Variants in KHDRBS2 observed in about 807,000 individuals in gnomAD.
KHDRBS2 encodes KH RNA binding domain containing, signal transduction associated 2, also known as KH domain-containing, RNA-binding, signal transduction-associated protein 2.
Under a neutral mutation model 44.3 loss-of-function variants are expected in KHDRBS2, and 26 were observed. The observed-to-expected ratio is 0.59, with a 90% CI of 0.43 to 0.81. The LOEUF (loss-of-function observed/expected upper bound fraction) is 0.81, where lower values mean the gene tolerates loss of function less well. Among genes scored for constraint, KHDRBS2 ranks in the 40% least tolerant of loss-of-function variants. KHDRBS2 has a pLI of 0.00. For missense variants in KHDRBS2, 476 were observed against 433.1 expected (o/e 1.10, Z -0.88); for synonymous variants, 194 against 151.1 (o/e 1.28, Z -2.08).
intron 7 of KHDRBS2, among the ~76,000 whole-genome samples, chr6:61,706,550 C>G (rs1582275495): frequency 6.6e-6 from 1 of 151,712 alleles, no homozygotes; most frequent in East Asian, 1.9e-4. Context: ...AGATCATTCT[C>G]TTTTACTACT....
At chr6:61,792,734 T>C (rs1202488780) in intron 6 of KHDRBS2, among the ~76,000 whole-genome samples, 1 of 151,926 alleles carries the variant, frequency 6.6e-6, no homozygotes, top group East Asian at 1.9e-4. Context: ...CTAGGAGTTG[T>C]AAAAATATAC....
the KHDRBS2 span, among the ~76,000 whole-genome samples, chr6:61,671,968 G>A: frequency 3.3e-5 from 5 of 151,768 alleles, no homozygotes; most frequent in African/African-American, 9.7e-5. Flanking sequence ...CTAGCATTAG[G>A]TATATCTCCT....
the KHDRBS2 span, among the ~76,000 whole-genome samples, chr6:61,575,091 A>G: frequency 6.6e-6 from 1 of 152,232 alleles, no homozygotes; most frequent in South Asian, 2.1e-4. Context: ...AGCAAATACA[A>G]CAAAAACAAA....
intron 2 of KHDRBS2, among the ~76,000 whole-genome samples, chr6:62,154,763 C>A (rs1815998070): frequency 6.6e-6 from 1 of 152,068 alleles, no homozygotes; most frequent in Non-Finnish European, 1.5e-5. Flanking sequence ...AAAATACTAC[C>A]ACGTAGCTTT....
At chr6:62,023,453 A>G (rs568246084) in intron 3 of KHDRBS2, among the ~76,000 whole-genome samples, 7 of 151,752 alleles carry the variant, frequency 4.6e-5, no homozygotes, top group African/African-American at 7.2e-5. Context: ...CTCATTTTTC[A>G]TACTAAATTA....
At chr6:62,009,313 AGTTG>A (rs1279802314) in intron 3 of KHDRBS2, among the ~76,000 whole-genome samples, 1 of 152,188 alleles carries the variant, frequency 6.6e-6, no homozygotes, top group Non-Finnish European at 1.5e-5. Context: ...TTAGGGTATC[AGTTG>A]GAAGAAATTT....
At chr6:61,583,007 A>G in the KHDRBS2 span, among the ~76,000 whole-genome samples, 1 of 151,754 alleles carries the variant, frequency 6.6e-6, no homozygotes, top group Non-Finnish European at 1.5e-5. Flanking sequence ...TAAACTTCCT[A>G]TGTTTTTGAT....
At chr6:61,574,159 G>A in the KHDRBS2 span, among the ~76,000 whole-genome samples, 1 of 152,082 alleles carries the variant, frequency 6.6e-6, no homozygotes, top group Non-Finnish European at 1.5e-5. Flanking sequence ...GTTAAAAAAA[G>A]TAAAAGGAAC....
chr6:61,574,363 A>C, the KHDRBS2 span: 79 of 1,527,090 alleles, frequency 5.2e-5, no homozygotes, highest in African/African-American at 8.8e-4. Flanking sequence ...TCTTACTTTC[A>C]ACCACTGCAA....
chr6:61,648,160 T>G, the KHDRBS2 span, among the ~76,000 whole-genome samples: 2 of 152,158 alleles, frequency 1.3e-5, no homozygotes, highest in Admixed American at 1.3e-4. Flanking sequence ...ATAATAATAT[T>G]ATAAGATAAA....
chr6:61,988,524 G>C (rs942141824), intron 3 of KHDRBS2, among the ~76,000 whole-genome samples: 1 of 151,924 alleles, frequency 6.6e-6, no homozygotes, highest in African/African-American at 2.4e-5. Flanking sequence ...GAGGTGCTTG[G>C]AAAACAGTGT....
At chr6:61,602,852 G>A in the KHDRBS2 span, among the ~76,000 whole-genome samples, 2 of 152,018 alleles carry the variant, frequency 1.3e-5, no homozygotes, top group Non-Finnish European at 2.9e-5. Flanking sequence ...CACCTGCCCA[G>A]CTCCCTTATT....
chr6:62,199,320 A>C (rs1386873218), intron 1 of KHDRBS2, among the ~76,000 whole-genome samples: 1 of 152,196 alleles, frequency 6.6e-6, no homozygotes, highest in Admixed American at 6.5e-5. Flanking sequence ...AGATGACATG[A>C]TTGTATATCT....
At chr6:62,068,669 G>C (rs546756337) in intron 2 of KHDRBS2, among the ~76,000 whole-genome samples, 1 of 151,438 alleles carries the variant, frequency 6.6e-6, no homozygotes, top group Non-Finnish European at 1.5e-5. Context: ...AGTTAGTTTT[G>C]GTGCATGGTG....
chr6:61,735,343 TG>T (rs1352925598), intron 6 of KHDRBS2, among the ~76,000 whole-genome samples: 1 of 152,166 alleles, frequency 6.6e-6, no homozygotes, highest in African/African-American at 2.4e-5. Flanking sequence ...TTCTATCTCC[TG>T]AGTGTAGGGA....
At chr6:61,967,420 TAGATAGAC>T (rs1770255168) in intron 4 of KHDRBS2, among the ~76,000 whole-genome samples, 3 of 150,940 alleles carry the variant, frequency 2.0e-5, no homozygotes, top group African/African-American at 7.4e-5. Context: ...GATAGACAGA[TAGATAGAC>T]AGATGGATAG....
the KHDRBS2 span, among the ~76,000 whole-genome samples, chr6:61,651,361 A>T: frequency 6.6e-6 from 1 of 152,132 alleles, no homozygotes; most frequent in African/African-American, 2.4e-5. Flanking sequence ...AAATTTATTT[A>T]TGTTTTATGT....
chr6:61,749,009 C>CTTTTTTTTTTTTTTTTTTTTTT (rs34423906), intron 6 of KHDRBS2, among the ~76,000 whole-genome samples: 21 of 97,210 alleles, frequency 2.2e-4, no homozygotes, highest in South Asian at 3.7e-4. Context: ...TTCTTTCTTT[C>CTTTTTTTTTTTTTTTTTTTTTT]TTTTTTTTTT....
chr6:62,074,907 T>C (rs1314133979), intron 2 of KHDRBS2, among the ~76,000 whole-genome samples: 1 of 151,922 alleles, frequency 6.6e-6, no homozygotes, highest in Non-Finnish European at 1.5e-5. Context: ...AATTTTCCTG[T>C]TTAATGTCCC....
Sources: allele counts gnomAD v4.1 joint callset (sites outside exome capture counted in the v4.1 genomes callset), GRCh38; gene constraint gnomAD v4.1.1; transcripts MANE v1.5; gene names NCBI Gene and HGNC (gene_info 2026-07-23, HGNC 2026-07-21).